The following HNF1B variants were observed in gnomAD, a reference collection of about 807,000 sequenced individuals.
The protein encoded by HNF1B is hepatocyte nuclear factor 1-beta.
A neutral mutation model predicts 61.7 loss-of-function variants in HNF1B; 8 were observed. The observed-to-expected ratio is 0.13, with a 90% CI of 0.08 to 0.23. HNF1B has a LOEUF of 0.23. Among genes scored for constraint, HNF1B ranks in the 10% least tolerant of loss-of-function variants. The pLI, the probability that HNF1B is intolerant of heterozygous loss-of-function variation, is 1.00. For synonymous variants in HNF1B, 314 were observed against 287.7 expected (o/e 1.09, Z -0.93); for missense variants, 562 against 714.5 (o/e 0.79, Z 2.43).
At chr17:37,690,241 G>A (rs1338260025) in intron 8 of HNF1B, among the ~76,000 whole-genome samples, 1 of 152,332 alleles carries the variant, frequency 6.6e-6, no homozygotes, top group Middle Eastern at 3.4e-3. Flanking sequence ...CACAAATGCA[G>A]GAGTCCTGGA....
chr17:37,693,189 CAA>C lies in HNF1B; in HGVS notation c.1654-5799_1654-5798del, dbSNP rs11464180. On this transcript the variant is annotated intron_variant, in intron 8 of 8. Coordinates refer to ENST00000617811, the MANE Select transcript of HNF1B (RefSeq NM_000458.4). The stretch of plus-strand genomic sequence containing the variant: ...TGGGTGACAGAGTGAGATTCCATCT[CAA>C]AAAAAAAAAAAAAAAAAAAAAAGAG... Among the ~76,000 whole-genome samples, 285 of 47,736 alleles carry C rather than the reference CAA, an allele frequency of 6.0e-3. 1 individual carries two copies. The highest frequency in any genetic ancestry group is 0.029 in the East Asian group (44 of 1,500). 31.3% of individuals were successfully genotyped at this position (47,736 alleles called of 152,430 possible).
chr17:37,722,949 A>T (rs1192330675), intron 4 of HNF1B, among the ~76,000 whole-genome samples: 1 of 152,076 alleles, frequency 6.6e-6, no homozygotes, highest in Non-Finnish European at 1.5e-5. Context: ...TGCAGCCTCC[A>T]CCAGGAACAT....
intron 4 of HNF1B, among the ~76,000 whole-genome samples, chr17:37,714,223 C>A (rs1031399052): frequency 6.6e-6 from 1 of 152,190 alleles, no homozygotes; most frequent in Non-Finnish European, 1.5e-5. Context: ...GCTGAAAACA[C>A]GTCAATTCCT....
chr17:37,731,567 G>A (rs766774951), intron 4 of HNF1B, 28 bp downstream of exon 4: 35 of 1,567,790 alleles, frequency 2.2e-5, no homozygotes, highest in Middle Eastern at 1.7e-4. Flanking sequence ...TTGGGTTGCC[G>A]AGGCAGTGAG....
chr17:37,720,898 C>A, intron 4 of HNF1B: 1 of 985,176 alleles, frequency 1.0e-6, no homozygotes, highest in Non-Finnish European at 1.2e-6. Flanking sequence ...GGGTTGTAGA[C>A]AATGAAGAAG....
chr17:37,696,443 T>A (rs932048309), intron 8 of HNF1B, among the ~76,000 whole-genome samples: 1 of 151,928 alleles, frequency 6.6e-6, no homozygotes, highest in African/African-American at 2.4e-5. Flanking sequence ...TCTCAAAACA[T>A]AAAAATATAA....
intron 7 of HNF1B, 49 bp from the exon 8 acceptor site, chr17:37,699,243 A>G (rs756823042): frequency 7.2e-7 from 1 of 1,392,662 alleles, no homozygotes; most frequent in South Asian, 1.2e-5. Context: ...ACAGGCAAAG[A>G]CACAGGTACA....
intron 4 of HNF1B, among the ~76,000 whole-genome samples, chr17:37,717,982 T>C (rs1462829698): frequency 6.6e-6 from 1 of 152,194 alleles, no homozygotes; most frequent in African/African-American, 2.4e-5. Flanking sequence ...GATCCCTTTC[T>C]ACCTAACATG....
At chr17:37,709,309 C>T (rs2032855841) in intron 5 of HNF1B, among the ~76,000 whole-genome samples, 1 of 152,096 alleles carries the variant, frequency 6.6e-6, no homozygotes, top group Non-Finnish European at 1.5e-5. Flanking sequence ...GGCTGGAGTG[C>T]AGTGGTGTGA....
Position 37,733,613 on chromosome 17 carries a change from A to G in HNF1B, c.753T>C (p.Asp251=). 1 of 1,614,002 alleles carries G rather than the reference A, an allele frequency of 6.2e-7. No individual in the cohort carries two copies. The highest frequency in any genetic ancestry group is 1.1e-5 in the South Asian group (1 of 91,072). The change falls in exon 3 of 9, where the codon GAT becomes GAC. Residue 251 remains aspartate (D), a synonymous_variant. Transcript: ENST00000617811. ...CTTCCTTGCTGGGGTTCTTTTGCCG[A>G]TCGTAGGCCTGGTACAAGATTTGCT... The part of the protein sequence containing the change: ...ASQQILYQAY[D]RQKNPSKEER...
At chr17:37,700,353 G>A (rs2032524356) in intron 7 of HNF1B, among the ~76,000 whole-genome samples, 1 of 152,218 alleles carries the variant, frequency 6.6e-6, no homozygotes, top group South Asian at 2.1e-4. Flanking sequence ...CTTGGGGTAG[G>A]TATAGAAATT....
chr17:37,735,763 C>G (rs1184891756), intron 2 of HNF1B, among the ~76,000 whole-genome samples: 1 of 152,076 alleles, frequency 6.6e-6, no homozygotes, highest in Non-Finnish European at 1.5e-5. Context: ...GGGGGTTATA[C>G]TTTTTCTTTT....
chr17:37,714,652 T>C (rs2033045237), intron 4 of HNF1B, among the ~76,000 whole-genome samples: 1 of 152,218 alleles, frequency 6.6e-6, no homozygotes, highest in African/African-American at 2.4e-5. Flanking sequence ...TACTTTCCTC[T>C]ATTCCTAGGC....
intron 5 of HNF1B, among the ~76,000 whole-genome samples, chr17:37,705,664 G>A (rs986633679): frequency 3.3e-5 from 5 of 152,160 alleles, no homozygotes; most frequent in African/African-American, 1.2e-4. Context: ...TCCTACTAGT[G>A]TCTTTTCCTC....
At chr17:37,722,187 T>C (rs546861445) in intron 4 of HNF1B, among the ~76,000 whole-genome samples, 83 of 152,334 alleles carry the variant, frequency 5.4e-4, no homozygotes, top group African/African-American at 2.0e-3. Context: ...AGGGAAATCC[T>C]TCCCGATTGA....
chr17:37,738,769 T>C (rs943780759), intron 2 of HNF1B, among the ~76,000 whole-genome samples: 2 of 152,160 alleles, frequency 1.3e-5, no homozygotes, highest in Non-Finnish European at 2.9e-5. Context: ...TGACAAGAAT[T>C]GATGGGTCAG....
intron 2 of HNF1B, among the ~76,000 whole-genome samples, chr17:37,736,474 G>A (rs1225960752): frequency 6.6e-6 from 1 of 152,216 alleles, no homozygotes; most frequent in Non-Finnish European, 1.5e-5. Flanking sequence ...GGTTCAGACT[G>A]GTGAAGTGAC....
chr17:37,718,116 T>C (rs914378911), intron 4 of HNF1B, among the ~76,000 whole-genome samples: 2 of 152,030 alleles, frequency 1.3e-5, no homozygotes, highest in Admixed American at 1.3e-4. Context: ...ACTGGTTTTC[T>C]TATTTAAAAA....
intron 7 of HNF1B, among the ~76,000 whole-genome samples, chr17:37,700,656 T>C (rs2032534446): frequency 6.6e-6 from 1 of 152,208 alleles, no homozygotes; most frequent in Admixed American, 6.5e-5. Context: ...TGGTGGTTTA[T>C]GGACGCGATC....
Sources: allele counts gnomAD v4.1 joint callset (sites outside exome capture counted in the v4.1 genomes callset), GRCh38; gene constraint gnomAD v4.1.1; transcripts MANE v1.5; gene names NCBI Gene and HGNC (gene_info 2026-07-23, HGNC 2026-07-21).